CPED1: variants seen among roughly 807,000 people sequenced by gnomAD.
CPED1 encodes the protein cadherin like and PC-esterase domain containing 1, also known as cadherin-like and PC-esterase domain-containing protein 1.
Under a neutral mutation model 128.2 loss-of-function variants are expected in CPED1, and 114 were observed. That is an observed-to-expected ratio of 0.89 (90% CI 0.76 to 1.04). The LOEUF (loss-of-function observed/expected upper bound fraction) is 1.04. Among genes scored for constraint, CPED1 ranks in the 50% least tolerant of loss-of-function variants. The probability of loss-of-function intolerance (pLI) is 0.00; values close to 1 mark genes in which losing one functional copy is unlikely to be tolerated. For synonymous variants in CPED1, 462 were observed against 426.7 expected, an observed-to-expected ratio of 1.08 and a Z score of -1.02; for missense variants, 1,211 against 1,207.1, an observed-to-expected ratio of 1.00 and a Z score of -0.05.
chr7:121,202,505 T>C (rs565467451), intron 16 of CPED1, among the ~76,000 whole-genome samples: 2 of 152,236 alleles, frequency 1.3e-5, no homozygotes, highest in East Asian at 3.9e-4. Context: ...CACCATTAGG[T>C]CATGATCACA....
chr7:121,185,381 A>G (rs1298267074), intron 16 of CPED1, among the ~76,000 whole-genome samples: 2 of 152,186 alleles, frequency 1.3e-5, no homozygotes, highest in African/African-American at 2.4e-5. Context: ...AAAGACATGC[A>G]TTGTAGAATT....
intron 5 of CPED1, among the ~76,000 whole-genome samples, chr7:121,078,675 C>G (rs1223704208): frequency 6.6e-6 from 1 of 152,120 alleles, no homozygotes; most frequent in Non-Finnish European, 1.5e-5. Flanking sequence ...CAGGTACTCC[C>G]TGTTCAGAAA....
At chr7:121,165,447 C>T (rs1422356461) in intron 16 of CPED1, among the ~76,000 whole-genome samples, 1 of 152,138 alleles carries the variant, frequency 6.6e-6, no homozygotes, top group Non-Finnish European at 1.5e-5. Flanking sequence ...TGTTTAAGGA[C>T]ACAATTTTGT....
At chr7:121,037,431 T>A (rs1465478626) in intron 3 of CPED1, among the ~76,000 whole-genome samples, 2 of 152,100 alleles carry the variant, frequency 1.3e-5, no homozygotes, top group African/African-American at 4.8e-5. Context: ...TTTGCTTTTT[T>A]GAAGATCAGT....
intron 3 of CPED1, among the ~76,000 whole-genome samples, chr7:121,031,422 G>A (rs1294297880): frequency 6.6e-6 from 1 of 152,002 alleles, no homozygotes; most frequent in Non-Finnish European, 1.5e-5. Context: ...TGAGTAGCTG[G>A]GATTACAGGT....
At chr7:121,189,875 C>A (rs765599048) in intron 16 of CPED1, among the ~76,000 whole-genome samples, 32 of 142,470 alleles carry the variant, frequency 2.2e-4, no homozygotes, top group Admixed American at 8.8e-4. Context: ...TTTATTTATT[C>A]ATTTGACAGA....
intron 4 of CPED1, chr7:121,051,723 G>A (rs865904919): frequency 1.2e-4 from 29 of 249,774 alleles, no homozygotes; most frequent in African/African-American, 1.6e-4. Context: ...TCCTAATAAC[G>A]TTGTTATGCT....
At chr7:121,076,477 T>C (rs1212539147) in intron 5 of CPED1, 2 of 152,182 alleles carry the variant, frequency 1.3e-5, no homozygotes, top group Non-Finnish European at 2.9e-5. Flanking sequence ...GTTTGACCCT[T>C]TCTTATGTGG....
chr7:121,228,653 CA>C (rs1197183958), intron 16 of CPED1, among the ~76,000 whole-genome samples: 1 of 150,320 alleles, frequency 6.7e-6, no homozygotes, highest in Non-Finnish European at 1.5e-5. Context: ...GGTATCTAAC[CA>C]GAAGAAAAAA....
chr7:120,992,248 G>A (rs1754510902), intron 2 of CPED1, among the ~76,000 whole-genome samples: 1 of 152,056 alleles, frequency 6.6e-6, no homozygotes, highest in African/African-American at 2.4e-5. Context: ...AAGTAGCATT[G>A]TTTCTATCTG....
chr7:120,989,391 G>A lies in CPED1; in HGVS notation c.-231G>A. ...ATTTGATGTCTTTTTTTAAACTCAG[G>A]TCATCCACTTTTGACTGTCATCCAT... On this transcript the variant is annotated splice_region_variant and 5_prime_UTR_variant, in exon 2 of 23. Transcript: ENST00000310396. The A allele has an allele frequency of 1.9e-6, 1 of 534,806 alleles. No individual in the cohort carries two copies. The highest frequency in any genetic ancestry group is 3.3e-6 in the Non-Finnish European group (1 of 299,416). The allele number at this position is 534,806 out of a possible 1,614,324, so 33.1% of individuals were successfully genotyped here. A position where few individuals can be genotyped will look rare whatever the true frequency, so the allele number is the denominator to read the frequency against.
At chr7:121,244,942 G>A (rs1798490967) in intron 18 of CPED1, among the ~76,000 whole-genome samples, 1 of 152,188 alleles carries the variant, frequency 6.6e-6, no homozygotes, top group Admixed American at 6.5e-5. Flanking sequence ...CTCTGACTAG[G>A]TAGAGTCTGG....
intron 13 of CPED1, among the ~76,000 whole-genome samples, chr7:121,135,786 C>T (rs560011361): frequency 7.9e-5 from 12 of 152,034 alleles, no homozygotes; most frequent in African/African-American, 1.7e-4. Context: ...GGCTGATCAA[C>T]GTCAGGCAAT....
At chr7:121,219,245 A>G (rs1365703418) in intron 16 of CPED1, among the ~76,000 whole-genome samples, 1 of 151,942 alleles carries the variant, frequency 6.6e-6, no homozygotes, top group Non-Finnish European at 1.5e-5. Flanking sequence ...ACCTCACTGG[A>G]AGTGGGTAGC....
At chr7:121,157,151 T>G (rs1244433971) in intron 16 of CPED1, among the ~76,000 whole-genome samples, 2 of 152,218 alleles carry the variant, frequency 1.3e-5, no homozygotes, top group East Asian at 3.8e-4. Context: ...TACCTCCTGC[T>G]GTTCAAGGGT....
chr7:121,150,277 T>A (rs1796127223), intron 16 of CPED1, among the ~76,000 whole-genome samples: 1 of 151,534 alleles, frequency 6.6e-6, no homozygotes, highest in Non-Finnish European at 1.5e-5. Context: ...GTTTATCTCC[T>A]ACTTATAAGT....
chr7:121,261,604 C>T (rs749119070), intron 18 of CPED1: 5 of 1,603,346 alleles, frequency 3.1e-6, no homozygotes, highest in Non-Finnish European at 3.4e-6. Context: ...CATAGAAAAC[C>T]TGACAGCTTC....
intron 12 of CPED1, 69 bp downstream of exon 12, chr7:121,130,363 C>A: frequency 1.5e-6 from 2 of 1,359,454 alleles, no homozygotes; most frequent in Non-Finnish European, 9.9e-7. Flanking sequence ...TTTCAAAAGG[C>A]TTTGCCTATG....
chr7:121,256,111 C>CAAAAAAAAAA lies in CPED1; in HGVS notation c.2311-10113_2311-10104dup, dbSNP rs1286167648. ...CCCTAATAGTTAAAGCAATCCTAAG[C>CAAAAAAAAAA]AAAAAAAAAAAACAAAACAAAAAAA... On this transcript the variant is annotated intron_variant, in intron 18 of 22. Transcript: ENST00000310396. Among the ~76,000 whole-genome samples, 47 of 34,120 alleles carry CAAAAAAAAAA rather than the reference C, an allele frequency of 1.4e-3. 1 individual carries two copies. Among genetic ancestry groups the CAAAAAAAAAA allele is most frequent in the African/African-American group, 4.6e-3 (42 of 9,098 alleles). 22.4% of individuals were successfully genotyped at this position (34,120 alleles called of 152,430 possible).
Sources: gnomAD v4.1 joint callset for allele counts (sites outside exome capture counted in the v4.1 genomes callset) on GRCh38, gnomAD v4.1.1 for gene constraint, MANE v1.5 for transcripts, NCBI Gene and HGNC (gene_info 2026-07-23, HGNC 2026-07-21) for gene names.